The following RSRC1 variants were observed in gnomAD, a reference collection of about 807,000 sequenced individuals.
RSRC1 encodes arginine and serine rich coiled-coil 1.
In RSRC1, 39 loss-of-function variants were observed where a neutral mutation model predicts 49.1. The ratio of observed to expected loss-of-function variants is 0.79; its 90% CI spans 0.61 to 1.04. The LOEUF (loss-of-function observed/expected upper bound fraction) is 1.04. RSRC1 is among the 50% of genes least tolerant of loss of function. The pLI, the probability that RSRC1 is intolerant of heterozygous loss-of-function variation, is 0.00. For synonymous variants in RSRC1, 143 were observed against 130.8 expected, an observed-to-expected ratio of 1.09 and a Z score of -0.63; for missense variants, 388 against 402.4, an observed-to-expected ratio of 0.96 and a Z score of 0.31.
At chr3:158,110,796 C>G (rs1025363187) in intron 1 of RSRC1, among the ~76,000 whole-genome samples, 1 of 152,194 alleles carries the variant, frequency 6.6e-6, no homozygotes, top group African/African-American at 2.4e-5. Flanking sequence ...GCCTTAAACA[C>G]ACTATATATT....
intron 6 of RSRC1, among the ~76,000 whole-genome samples, chr3:158,392,697 C>T (rs888581424): frequency 6.6e-6 from 1 of 151,970 alleles, no homozygotes; most frequent in East Asian, 1.9e-4. Context: ...TAGAGATCTA[C>T]AAAGAGACTT....
At chr3:158,428,647 C>A (rs997476052) in intron 6 of RSRC1, among the ~76,000 whole-genome samples, 5 of 151,798 alleles carry the variant, frequency 3.3e-5, no homozygotes, top group Admixed American at 3.3e-4. Flanking sequence ...TAGTGGACTG[C>A]GAATTGGCAC....
At chr3:158,110,446 G>C (rs1000350386) in intron 1 of RSRC1, 1 of 152,632 alleles carries the variant, frequency 6.6e-6, no homozygotes, top group Non-Finnish European at 1.5e-5. Context: ...TAGGGTGGGT[G>C]GGTGGCCGCA....
intron 3 of RSRC1, among the ~76,000 whole-genome samples, chr3:158,167,199 T>C (rs2108232624): frequency 6.6e-6 from 1 of 152,264 alleles, no homozygotes; most frequent in Non-Finnish European, 1.5e-5. Context: ...TTTTCTTTTC[T>C]TTTTTGAAGT....
intron 6 of RSRC1, among the ~76,000 whole-genome samples, chr3:158,412,555 TAATG>T (rs1734516752): frequency 6.6e-6 from 1 of 152,138 alleles, no homozygotes; most frequent in Admixed American, 6.6e-5. Flanking sequence ...ATGTTAATGT[TAATG>T]AGTGTAGAGG....
chr3:158,475,742 CT>C (rs1738339254), intron 7 of RSRC1, among the ~76,000 whole-genome samples: 2 of 152,108 alleles, frequency 1.3e-5, no homozygotes, highest in Non-Finnish European at 2.9e-5. Context: ...CTCTCTCTCT[CT>C]CTCCCTGGCC....
chr3:158,351,797 A>G (rs929736674), intron 5 of RSRC1, among the ~76,000 whole-genome samples: 1 of 151,058 alleles, frequency 6.6e-6, no homozygotes, highest in Non-Finnish European at 1.5e-5. Flanking sequence ...TCTTTGAAAT[A>G]TGAATCCTGT....
At chr3:158,143,759 C>T (rs1716897692) in intron 3 of RSRC1, among the ~76,000 whole-genome samples, 2 of 152,000 alleles carry the variant, frequency 1.3e-5, no homozygotes, top group African/African-American at 4.8e-5. Context: ...GGTAGAAAAG[C>T]CTTCTGTATC....
At chr3:158,534,165 C>A (rs1193229802) in intron 7 of RSRC1, among the ~76,000 whole-genome samples, 2 of 151,656 alleles carry the variant, frequency 1.3e-5, no homozygotes, top group East Asian at 3.9e-4. Context: ...GTCAGGGACA[C>A]ATCTTCATAA....
intron 7 of RSRC1, among the ~76,000 whole-genome samples, chr3:158,505,108 A>C (rs1739792159): frequency 6.6e-6 from 1 of 152,240 alleles, no homozygotes; most frequent in Admixed American, 6.5e-5. Flanking sequence ...ATGCATTTGC[A>C]GGACTATGTT....
In RSRC1 at chr3:158,261,147, C is replaced by T. The variant is rs892208390; in HGVS notation, c.495-36892C>T. On this transcript the variant is annotated intron_variant, in intron 4 of 9. Coordinates refer to ENST00000611884, the MANE Select transcript of RSRC1 (RefSeq NM_001271838.2). The stretch of plus-strand genomic sequence containing the variant: ...AGGCTCCTATTTGGCCATCTTGCTC[C>T]GCCTTCCCTCTATGCTTTACTTTTT... 5.9e-5 allele frequency among the ~76,000 whole-genome samples: 9 copies of T among 152,166 alleles called. No individual in the cohort carries two copies. The South Asian group carries it at 8.3e-4, about 14-fold the overall frequency.
At chr3:158,168,839 G>A (rs1000977651) in intron 3 of RSRC1, among the ~76,000 whole-genome samples, 6 of 151,984 alleles carry the variant, frequency 3.9e-5, no homozygotes, top group Non-Finnish European at 7.4e-5. Context: ...TGGATTTCTT[G>A]TATAGCTAAG....
At chr3:158,374,401 G>C (rs990505503) in intron 6 of RSRC1, among the ~76,000 whole-genome samples, 1 of 152,106 alleles carries the variant, frequency 6.6e-6, no homozygotes, top group African/African-American at 2.4e-5. Context: ...GGAAGTCTAG[G>C]TTGCTCTTTT....
Position 158,275,129 on chromosome 3 carries a change from C to G in RSRC1, c.495-22910C>G, listed in dbSNP as rs574731183. On this transcript the variant is annotated intron_variant, in intron 4 of 9. Transcript: ENST00000611884. ...GCATATTGATTGCTAGCTTACCAAC[C>G]TTAAGGCTAATAATTTTATCTAACA... is the stretch of plus-strand genomic sequence containing the variant. 3.9e-5 allele frequency among the ~76,000 whole-genome samples: 6 copies of G among 152,296 alleles called. No homozygotes were observed. The South Asian group carries it at 1.2e-3, about 32-fold the overall frequency.
rs575843102 is a variant in RSRC1 at position 158,320,573 on chromosome 3, A to G, written c.531+22498A>G. ...AGAGATTATAAATTATCTTGGCCTC[A>G]GGACTTTACTGCTATTCACAACAAT... On this transcript the variant is annotated intron_variant, in intron 5 of 9. Coordinates refer to ENST00000611884, the MANE Select transcript of RSRC1 (RefSeq NM_001271838.2). Among the ~76,000 whole-genome samples, 3 of 152,330 alleles carry G rather than the reference A, an allele frequency of 2.0e-5. No homozygotes were observed. The East Asian group carries it at 5.8e-4, about 29-fold the overall frequency.
intron 4 of RSRC1, among the ~76,000 whole-genome samples, chr3:158,289,924 T>C (rs368187395): frequency 3.3e-5 from 5 of 149,786 alleles, no homozygotes; most frequent in African/African-American, 7.4e-5. Context: ...TCTATCTTTC[T>C]ATCCATCCAT....
intron 4 of RSRC1, among the ~76,000 whole-genome samples, chr3:158,248,407 A>G (rs542102873): frequency 6.6e-6 from 1 of 152,244 alleles, no homozygotes; most frequent in East Asian, 1.9e-4. Context: ...TATTCCATAA[A>G]TGTATCACAT....
At chr3:158,310,561 C>G (rs1281294056) in intron 5 of RSRC1, among the ~76,000 whole-genome samples, 2 of 151,738 alleles carry the variant, frequency 1.3e-5, no homozygotes, top group South Asian at 2.1e-4. Context: ...CAAGTACTAA[C>G]TGTAAATAAC....
intron 6 of RSRC1, among the ~76,000 whole-genome samples, chr3:158,452,463 T>C (rs1737095354): frequency 6.6e-6 from 1 of 152,210 alleles, no homozygotes; most frequent in African/African-American, 2.4e-5. Context: ...TGATGACTAA[T>C]CCAATAAAGT....
Sources: gnomAD v4.1 joint callset for allele counts (sites outside exome capture counted in the v4.1 genomes callset) on GRCh38, gnomAD v4.1.1 for gene constraint, MANE v1.5 for transcripts, NCBI Gene and HGNC (gene_info 2026-07-23, HGNC 2026-07-21) for gene names.